Variants in NLRC5 observed in about 807,000 individuals in gnomAD.
The protein encoded by NLRC5 is protein NLRC5.
Under a neutral mutation model 206.9 loss-of-function variants are expected in NLRC5, and 114 were observed. That is an observed-to-expected ratio of 0.55 (90% CI 0.47 to 0.64). The LOEUF (loss-of-function observed/expected upper bound fraction) is 0.64, where lower values mean the gene tolerates loss of function less well. Among genes scored for constraint, NLRC5 ranks in the 30% least tolerant of loss-of-function variants. NLRC5 has a pLI of 0.00. For synonymous variants in NLRC5, 952 were observed against 962.8 expected, an observed-to-expected ratio of 0.99 and a Z score of 0.21; for missense variants, 2,008 against 2,305.5, an observed-to-expected ratio of 0.87 and a Z score of 2.64.
intron 20 of NLRC5, 32 bp downstream of exon 20, chr16:57,043,636 C>A: frequency 4.5e-6 from 7 of 1,559,646 alleles, no homozygotes; most frequent in Non-Finnish European, 4.4e-6. Context: ...CAGCCCTGCC[C>A]CTGTCCCCCA....
intron 33 of NLRC5, among the ~76,000 whole-genome samples, chr16:57,065,990 G>A (rs111654045): frequency 3.7e-4 from 57 of 152,264 alleles, no homozygotes; most frequent in African/African-American, 1.2e-3. Flanking sequence ...AGCTTAGAGC[G>A]CAAATGCAGA....
At chr16:57,071,022 T>TGGG in intron 38 of NLRC5, among the ~76,000 whole-genome samples, 1 of 69,810 alleles carries the variant, frequency 1.4e-5, no homozygotes, top group Non-Finnish European at 3.2e-5. Context: ...GTGGTGGCGT[T>TGGG]GGTTAATGGG....
Position 57,025,967 on chromosome 16 carries a change from G to A in NLRC5, c.1024G>A (p.Val342Met), listed in dbSNP as rs1354410619. ...TGGGACCCTCCTGCCTGGCTGCCGG[G>A]TGATGGCTACCTCCCGTCCAGGGAA... ...CNGTLLPGCR[V>M]MATSRPGKLP... The change falls in exon 6 of 49, where the codon GTG becomes ATG. Residue 342 changes from valine to methionine, a missense_variant. By Grantham distance (21) the Val-to-Met change is conservative. Coordinates refer to ENST00000688547, the MANE Select transcript of NLRC5 (RefSeq NM_001384950.1). 2.5e-6 allele frequency: 4 copies of A among 1,614,038 alleles called. No individual in the cohort carries two copies. The highest frequency in any genetic ancestry group is 3.4e-6 in the Non-Finnish European group (4 of 1,180,026).
chr16:57,010,522 C>T lies in NLRC5; in HGVS notation c.-127-6552C>T, dbSNP rs144313753. On this transcript the variant is annotated intron_variant, in intron 1 of 48. Coordinates refer to ENST00000688547, the MANE Select transcript of NLRC5 (RefSeq NM_001384950.1). ...CCGATTAGCTGGGACTACAGGCACACACCACCACGCCCAGCTAATCTTTTA... is the reference window on the plus strand; with the variant it reads ...CCGATTAGCTGGGACTACAGGCACATACCACCACGCCCAGCTAATCTTTTA... 1.6e-3 allele frequency among the ~76,000 whole-genome samples: 248 copies of T among 152,270 alleles called. 1 individual carries two copies. Among genetic ancestry groups the T allele is most frequent in the Non-Finnish European group, 3.0e-3 (201 of 68,020 alleles).
rs146060412 is a variant in NLRC5 at position 57,068,835 on chromosome 16, C to T, written c.4500-1001C>T. Among the ~76,000 whole-genome samples, 684 of 152,324 alleles carry T rather than the reference C, an allele frequency of 4.5e-3. 2 individuals are homozygous for T. Among genetic ancestry groups the T allele is most frequent in the African/African-American group, 0.016 (651 of 41,560 alleles). On this transcript the variant is annotated intron_variant, in intron 36 of 48. Transcript: ENST00000688547. ...TTAGTGTCTCCTTCAATCTGGAACA[C>T]GTCCTTGGCCCTTCTTTGTCTTTCA... is the stretch of plus-strand genomic sequence containing the variant.
rs767694248 is a variant in NLRC5, at chr16:57,022,327, A to G, written c.355+12A>G. ...TCAGCTCCACCATGGTGAGGACTGG[A>G]GTTGGGGGGTGGGAAGGGGGTGGTG... On this transcript the variant is annotated intron_variant, in intron 4 of 48. Coordinates refer to ENST00000688547, the MANE Select transcript of NLRC5 (RefSeq NM_001384950.1). 3 of 1,604,024 alleles carry G rather than the reference A, an allele frequency of 1.9e-6. No homozygotes were observed. In the African/African-American group the frequency reaches 4.0e-5, roughly 21 times the overall value.
chr16:57,026,419 C>T lies in NLRC5; in HGVS notation c.1476C>T (p.Ser492=), dbSNP rs557863238. The change falls in exon 6 of 49, where the codon AGC becomes AGT. Residue 492 remains serine (S), a synonymous_variant. Coordinates refer to ENST00000688547, the MANE Select transcript of NLRC5 (RefSeq NM_001384950.1). ...TGATAGCTTTTGGGGCCACTCACAG[C>T]CTGCTGACTTCCTTCTGCGTCTGCA... ...PPLIAFGATH[S]LLTSFCVCTG... 1.9e-6 allele frequency: 3 copies of T among 1,614,138 alleles called. 1 individual carries two copies. Among genetic ancestry groups the T allele is most frequent in the South Asian group, 2.2e-5 (2 of 91,090 alleles).
intron 1 of NLRC5, among the ~76,000 whole-genome samples, chr16:57,010,137 C>T (rs1166248646): frequency 6.6e-6 from 1 of 152,114 alleles, no homozygotes; most frequent in Non-Finnish European, 1.5e-5. Flanking sequence ...GAGGAGAGAT[C>T]AGGAGCTCAG....
chr16:57,055,424 T>A lies in NLRC5; in HGVS notation c.3660-9T>A, dbSNP rs2065504925. Reference sequence around the variant, plus strand: ...CCATCCCCTGCTTGTCCCCTTTACCTCCGTCCAGCAGGTTCACAGGCTGCA... The same window carrying A: ...CCATCCCCTGCTTGTCCCCTTTACCACCGTCCAGCAGGTTCACAGGCTGCA... On this transcript the variant is annotated splice_polypyrimidine_tract_variant and intron_variant, in intron 26 of 48. Transcript: ENST00000688547. 3 of 1,613,260 alleles carry A rather than the reference T, an allele frequency of 1.9e-6. No individual in the cohort carries two copies. In the East Asian group the frequency reaches 6.7e-5, roughly 36 times the overall value.
rs769936009 is a variant in NLRC5 at position 57,059,579 on chromosome 16, G to A, written c.3986+47G>A. ...GACAGGGGACAGAGAGGGGAGAGGAGGCTGACCCTATGGCGGCCTCCATGG... is the reference window on the plus strand; with the variant it reads ...GACAGGGGACAGAGAGGGGAGAGGAAGCTGACCCTATGGCGGCCTCCATGG... On this transcript the variant is annotated intron_variant, in intron 30 of 48. Coordinates refer to ENST00000688547, the MANE Select transcript of NLRC5 (RefSeq NM_001384950.1). 18 of 1,539,004 alleles carry A rather than the reference G, an allele frequency of 1.2e-5. No individual in the cohort carries two copies. In the African/African-American group the frequency reaches 2.5e-4, roughly 21 times the overall value.
chr16:57,065,139 C>T (rs1032116769), intron 32 of NLRC5, 73 bp from the exon 33 acceptor site: 21 of 1,042,244 alleles, frequency 2.0e-5, no homozygotes, highest in African/African-American at 3.3e-5. Context: ...ACTCCTCCCC[C>T]GGCCCCGTCA....
At chr16:57,074,558 C>T (rs777324009) in intron 38 of NLRC5, 42 bp from the exon 39 acceptor site, 2 of 1,584,196 alleles carry the variant, frequency 1.3e-6, no homozygotes, top group African/African-American at 1.3e-5. Context: ...GGACAGTGCC[C>T]CACCCCCAGA....
chr16:57,061,578 C>A (rs1328551384), intron 31 of NLRC5, 40 bp from the exon 32 acceptor site: 1 of 1,608,878 alleles, frequency 6.2e-7, no homozygotes, highest in Non-Finnish European at 8.5e-7. Flanking sequence ...GGTGGGGGCA[C>A]CCTGCCAGAG....
chr16:57,081,490 G>A, intron 47 of NLRC5, 37 bp from the exon 48 acceptor site: 1 of 1,597,954 alleles, frequency 6.3e-7, no homozygotes, highest in South Asian at 1.1e-5. Context: ...TCATGGCCGT[G>A]TTTCTCTTTC....
In NLRC5 at chr16:57,069,915, C is replaced by G. The variant is rs370150286; in HGVS notation, c.4579C>G (p.Leu1527Val). 101 of 1,574,912 alleles carry G rather than the reference C, an allele frequency of 6.4e-5. No homozygotes were observed. Among genetic ancestry groups the G allele is most frequent in the Non-Finnish European group, 8.7e-5 (101 of 1,160,804 alleles). Residue 1527 changes from leucine (L) to valine (V), a missense_variant, in exon 37 of 49, where the codon CTG becomes GTG. By Grantham distance (32) the Leu-to-Val change is conservative. Coordinates refer to ENST00000688547, the MANE Select transcript of NLRC5 (RefSeq NM_001384950.1). ...GLGHCHHLEE[L>V]DLSNNQFDEE... ...GGGCCACTGCCACCACTTGGAGGAG[C>G]TGGAGTGAGTTGCAGAGTGGAGGGA...
At chr16:57,037,934 C>T (rs2062809158) in intron 15 of NLRC5, among the ~76,000 whole-genome samples, 1 of 152,128 alleles carries the variant, frequency 6.6e-6, no homozygotes, top group African/African-American at 2.4e-5. Flanking sequence ...CCGATTCACC[C>T]AAAAGGTAGA....
chr16:57,077,159 A>T, intron 40 of NLRC5, 137 bp from the exon 41 acceptor site: 1 of 774,856 alleles, frequency 1.3e-6, no homozygotes, highest in African/African-American at 1.7e-5. Context: ...AGGAGCTGTC[A>T]CTCAACATGG....
Position 57,041,970 on chromosome 16 carries a change from C to A in NLRC5, c.3030-12C>A. On this transcript the variant is annotated splice_polypyrimidine_tract_variant and intron_variant, in intron 18 of 48. Coordinates refer to ENST00000688547, the MANE Select transcript of NLRC5 (RefSeq NM_001384950.1). ...CTGCTAATGTTCTCCCCTCCCTTCT[C>A]CCCACCCCCAGCTTCTCAGGCAATG... is the stretch of plus-strand genomic sequence containing the variant. 1 of 1,558,018 alleles carries A rather than the reference C, an allele frequency of 6.4e-7. No homozygotes were observed. The highest frequency in any genetic ancestry group is 8.6e-7 in the Non-Finnish European group (1 of 1,156,972).
At chr16:57,020,458 T>A (rs1230841622) in intron 2 of NLRC5, among the ~76,000 whole-genome samples, 1 of 51,024 alleles carries the variant, frequency 2.0e-5, no homozygotes, top group East Asian at 6.0e-4. Flanking sequence ...CCAGCTCCCC[T>A]GTCCCCCAGT....
Sources: gnomAD v4.1 joint callset for allele counts (sites outside exome capture counted in the v4.1 genomes callset) on GRCh38, gnomAD v4.1.1 for gene constraint, MANE v1.5 for transcripts, NCBI Gene and HGNC (gene_info 2026-07-23, HGNC 2026-07-21) for gene names.